TANK: variants seen among roughly 807,000 people sequenced by gnomAD.
The protein encoded by TANK is TRAF family member-associated NF-kappa-B activator.
A neutral mutation model predicts 43.6 loss-of-function variants in TANK; 15 were observed. That is an observed-to-expected ratio of 0.34 (90% CI 0.23 to 0.53). The LOEUF is 0.53. Among genes scored for constraint, TANK ranks in the 20% least tolerant of loss-of-function variants. The pLI is 0.94. For synonymous variants in TANK, 162 were observed against 178.2 expected, an observed-to-expected ratio of 0.91 and a Z score of 0.73; for missense variants, 417 against 498.6, an observed-to-expected ratio of 0.84 and a Z score of 1.56.
At chr2:161,169,242 C>T (rs749845673) in intron 1 of TANK, among the ~76,000 whole-genome samples, 4 of 152,138 alleles carry the variant, frequency 2.6e-5, no homozygotes, top group African/African-American at 9.7e-5. Context: ...CAGAGTGATT[C>T]TTCTAAAGAG....
At chr2:161,191,174 G>A (rs190188842) in intron 2 of TANK, among the ~76,000 whole-genome samples, 7 of 152,282 alleles carry the variant, frequency 4.6e-5, no homozygotes, top group Non-Finnish European at 8.8e-5. Context: ...GGAACATTCT[G>A]TTCAGGAAAG....
Position 161,226,612 on chromosome 2 carries a change from T to C in TANK, c.520+1866T>C, listed in dbSNP as rs115829718. Reference sequence around the variant, plus strand: ...TATGTTATTTTGTATTAAAATTTGATTTTTACTTTTAAATAACCAGATATG... The same window carrying C: ...TATGTTATTTTGTATTAAAATTTGACTTTTACTTTTAAATAACCAGATATG... On this transcript the variant is annotated intron_variant, in intron 6 of 7. Coordinates refer to ENST00000392749, the MANE Select transcript of TANK (RefSeq NM_001199135.3). Among the ~76,000 whole-genome samples, 783 of 152,260 alleles carry C rather than the reference T, an allele frequency of 5.1e-3. 7 individuals are homozygous for C. Among genetic ancestry groups the C allele is most frequent in the African/African-American group, 0.017 (723 of 41,558 alleles).
chr2:161,219,866 A>T, intron 4 of TANK: 1 of 379,886 alleles, frequency 2.6e-6, no homozygotes, highest in Admixed American at 4.1e-5. Flanking sequence ...CTTTATTTTC[A>T]GTTTTTTTCC....
chr2:161,180,083 A>C (rs1685353451), intron 2 of TANK: 1 of 1,022,062 alleles, frequency 9.8e-7, no homozygotes, highest in African/African-American at 1.7e-5. Context: ...GTTTTATGAC[A>C]CAGAAGTATC....
chr2:161,149,357 T>G (rs1368330447), intron 1 of TANK, among the ~76,000 whole-genome samples: 1 of 152,206 alleles, frequency 6.6e-6, no homozygotes, highest in Non-Finnish European at 1.5e-5. Context: ...TTTGCTAAAT[T>G]CATTTATTAG....
chr2:161,188,022 A>G (rs1378068955), intron 2 of TANK, among the ~76,000 whole-genome samples: 3 of 152,178 alleles, frequency 2.0e-5, no homozygotes, highest in Non-Finnish European at 4.4e-5. Flanking sequence ...GAAAATGTAA[A>G]TACAAAGTAC....
chr2:161,191,847 G>T (rs1219703513), intron 2 of TANK, among the ~76,000 whole-genome samples: 1 of 152,054 alleles, frequency 6.6e-6, no homozygotes, highest in Non-Finnish European at 1.5e-5. Flanking sequence ...AGGCTGGAGT[G>T]CAGTGGCGCT....
In TANK at chr2:161,204,766, A is replaced by G. The variant is rs1216264180; in HGVS notation, c.300A>G (p.Ser100=). 1 of 1,605,448 alleles carries G rather than the reference A, an allele frequency of 6.2e-7. No individual in the cohort carries two copies. The highest frequency in any genetic ancestry group is 2.3e-5 in the East Asian group (1 of 44,374). ...TLDQPQDKVI[S]GIAREKLPKV... ...ATCAGCCACAAGATAAAGTGATTTC[A>G]GGAATAGCAAGAGAAAAACTACCAA... Residue 100 remains serine (S), a synonymous_variant, in exon 4 of 8, where the codon TCA becomes TCG. Coordinates refer to ENST00000392749, the MANE Select transcript of TANK (RefSeq NM_001199135.3).
chr2:161,219,676 T>C, intron 4 of TANK: 1 of 432,290 alleles, frequency 2.3e-6, no homozygotes, highest in Admixed American at 3.3e-5. Context: ...GTTTTATACC[T>C]TAATCTTTTT....
rs765483940 is a variant in TANK, at chr2:161,231,332, C to T, written c.882C>T (p.Asp294=). 1 of 1,614,156 alleles carries T rather than the reference C, an allele frequency of 6.2e-7. No homozygotes were observed. Among genetic ancestry groups the T allele is most frequent in the Admixed American group, 1.7e-5 (1 of 60,022 alleles). ...EETLFEIQGI[D]PIASAIQNLK... ...CTTTATTTGAAATTCAGGGAATTGA[C>T]CCCATAGCTTCAGCTATACAAAACC... The change falls in exon 7 of 8, where the codon GAC becomes GAT. Residue 294 remains aspartate (D), a synonymous_variant. Transcript: ENST00000392749.
intron 2 of TANK, among the ~76,000 whole-genome samples, chr2:161,196,133 G>C (rs1250572466): frequency 6.6e-6 from 1 of 152,098 alleles, no homozygotes; most frequent in African/African-American, 2.4e-5. Flanking sequence ...TAATGGATTG[G>C]CTGTACAACA....
intron 4 of TANK, 155 bp from the exon 5 acceptor site, chr2:161,223,760 T>C: frequency 2.4e-6 from 1 of 408,648 alleles, no homozygotes. Flanking sequence ...AAGAAAAAAA[T>C]CAATTGTATA....
chr2:161,161,260 A>C (rs750619849), intron 1 of TANK: 1 of 1,550,258 alleles, frequency 6.5e-7, no homozygotes, highest in Non-Finnish European at 8.7e-7. Context: ...TTGCTATGTA[A>C]AGTGGTGTTT....
chr2:161,231,627 C>A, intron 7 of TANK, 76 bp downstream of exon 7: 2 of 1,304,662 alleles, frequency 1.5e-6, no homozygotes. Context: ...ATATGCATCT[C>A]TTTTACGTTA....
chr2:161,185,809 A>G lies in TANK; in HGVS notation c.99+6048A>G, dbSNP rs557848319. On this transcript the variant is annotated intron_variant, in intron 2 of 7. Transcript: ENST00000392749. ...GCGCACCAGCATGGCACATGTATAC[A>G]TATGTAACTAACCTGCACAATGTGC... Among the ~76,000 whole-genome samples the G allele has an allele frequency of 2.9e-3, 448 of 152,066 alleles. 4 individuals carry two copies. Among genetic ancestry groups the G allele is most frequent in the East Asian group, 1.9e-3 (10 of 5,160 alleles).
At chr2:161,146,294 A>G (rs2105219657) in intron 1 of TANK, among the ~76,000 whole-genome samples, 1 of 152,082 alleles carries the variant, frequency 6.6e-6, no homozygotes. Flanking sequence ...AGTGGAGTTT[A>G]TTACCCACCT....
At chr2:161,209,641 T>G (rs921284038) in intron 4 of TANK, among the ~76,000 whole-genome samples, 1 of 152,166 alleles carries the variant, frequency 6.6e-6, no homozygotes, top group Non-Finnish European at 1.5e-5. Context: ...TATGCTACTT[T>G]TTGTTCCTGT....
rs140837984 is a variant in TANK at position 161,174,772 on chromosome 2, C to T, written c.-49-4842C>T. On this transcript the variant is annotated intron_variant, in intron 1 of 7. Coordinates refer to ENST00000392749, the MANE Select transcript of TANK (RefSeq NM_001199135.3). ...AATCCGTCATGTTTATAGTAACCATCATTGTTATGCTTAAGAATTGTCTCA... is the reference window on the plus strand; with the variant it reads ...AATCCGTCATGTTTATAGTAACCATTATTGTTATGCTTAAGAATTGTCTCA... Among the ~76,000 whole-genome samples the T allele has an allele frequency of 4.1e-3, 630 of 152,222 alleles. 20 individuals carry two copies. The highest frequency in any genetic ancestry group is 0.036 in the Admixed American group (553 of 15,278).
At chr2:161,176,590 A>G (rs1335081422) in intron 1 of TANK, among the ~76,000 whole-genome samples, 1 of 152,168 alleles carries the variant, frequency 6.6e-6, no homozygotes, top group Non-Finnish European at 1.5e-5. Context: ...TTTAAAAACA[A>G]GAATGCACCT....
Sources: gnomAD v4.1 joint callset for allele counts (sites outside exome capture counted in the v4.1 genomes callset) on GRCh38, gnomAD v4.1.1 for gene constraint, MANE v1.5 for transcripts, NCBI Gene and HGNC (gene_info 2026-07-23, HGNC 2026-07-21) for gene names.